C9: variants seen among roughly 807,000 people sequenced by gnomAD.
C9 encodes the protein complement C9.
In C9, 63 loss-of-function variants were observed where a neutral mutation model predicts 65.4. The observed-to-expected ratio is 0.96, with a 90% confidence interval of 0.79 to 1.19. The LOEUF (loss-of-function observed/expected upper bound fraction) is 1.19. C9 is among the 50% of genes most tolerant of loss of function. The probability of loss-of-function intolerance (pLI) is 0.00; values close to 1 mark genes in which losing one functional copy is unlikely to be tolerated. For synonymous variants in C9, 229 were observed against 227.9 expected, an observed-to-expected ratio of 1.00 and a Z score of -0.04; for missense variants, 744 against 670.1, an observed-to-expected ratio of 1.11 and a Z score of -1.22.
In C9 at chr5:39,288,960, A is replaced by G; in HGVS notation, c.1417-9T>C. ...TTATATATAGGAGACAGCTGAAAGG[A>G]AGCAAAACATTTAATTTTAGGTCCT... On this transcript the variant is annotated splice_polypyrimidine_tract_variant and intron_variant, in intron 9 of 10. Coordinates refer to ENST00000263408, the MANE Select transcript of C9 (RefSeq NM_001737.5). The G allele has an allele frequency of 6.8e-7, 1 of 1,463,686 alleles. No homozygotes were observed. The highest frequency in any genetic ancestry group is 9.6e-7 in the Non-Finnish European group (1 of 1,043,764). 90.7% of individuals were successfully genotyped at this position (1,463,686 alleles called of 1,614,324 possible).
intron 9 of C9, among the ~76,000 whole-genome samples, chr5:39,303,823 T>A (rs79235584): frequency 0.11 from 16,411 of 152,006 alleles, 1,085 homozygotes; most frequent in African/African-American, 0.18. Context: ...GCTAGACAAA[T>A]CAGTGTGTCT....
intron 9 of C9, among the ~76,000 whole-genome samples, chr5:39,295,217 C>T (rs761045455): frequency 4.0e-5 from 6 of 151,600 alleles, no homozygotes; most frequent in South Asian, 2.1e-4. Context: ...AGCACTTAGG[C>T]AAGAGAAAGA....
At chr5:39,334,190 C>T (rs1351263133) in intron 4 of C9, among the ~76,000 whole-genome samples, 3,944 of 150,680 alleles carry the variant, frequency 0.026, 159 homozygotes, top group African/African-American at 0.09. Flanking sequence ...CGGCCGCCAT[C>T]CCATCTAGGA....
At chr5:39,332,489 A>G (rs1207253990) in intron 4 of C9, among the ~76,000 whole-genome samples, 1 of 152,242 alleles carries the variant, frequency 6.6e-6, no homozygotes, top group African/African-American at 2.4e-5. Context: ...AATTTTATTT[A>G]GCTTTTAAAA....
At chr5:39,363,541 A>C (rs368979942) in intron 1 of C9, among the ~76,000 whole-genome samples, 1 of 152,206 alleles carries the variant, frequency 6.6e-6, no homozygotes, top group East Asian at 1.9e-4. Context: ...GCTTGGGCAG[A>C]CATTTCCCCC....
intron 5 of C9, among the ~76,000 whole-genome samples, chr5:39,330,520 C>T (rs781012679): frequency 8.5e-5 from 13 of 152,176 alleles, no homozygotes; most frequent in Non-Finnish European, 1.5e-4. Flanking sequence ...ATCAACACAA[C>T]AATAGCCCTT....
chr5:39,327,609 T>C (rs1177950560), intron 5 of C9, among the ~76,000 whole-genome samples: 1 of 152,114 alleles, frequency 6.6e-6, no homozygotes, highest in Non-Finnish European at 1.5e-5. Context: ...GGGAGTAAGA[T>C]TGGTTATCAG....
At chr5:39,343,592 C>A (rs1416069996) in intron 1 of C9, among the ~76,000 whole-genome samples, 3 of 152,224 alleles carry the variant, frequency 2.0e-5, no homozygotes, top group African/African-American at 7.2e-5. Flanking sequence ...GAGTCCACCT[C>A]TGGGGGTAGG....
At chr5:39,326,550 C>T (rs1246192798) in intron 5 of C9, among the ~76,000 whole-genome samples, 3 of 152,140 alleles carry the variant, frequency 2.0e-5, no homozygotes, top group Non-Finnish European at 4.4e-5. Flanking sequence ...CGGAGTGGCT[C>T]CCTCATTATG....
rs374978928 is a variant in C9, at chr5:39,352,700, G to T, written c.78-10504C>A. Among the ~76,000 whole-genome samples the T allele has an allele frequency of 3.5e-4, 54 of 152,212 alleles. 1 individual carries two copies. Among genetic ancestry groups the T allele is most frequent in the African/African-American group, 1.1e-3 (45 of 41,534 alleles). ...CACCAACATTATATATCTCCTAGAT[G>T]ACTACAAAAATTACTCTCTAATTCA... On this transcript the variant is annotated intron_variant, in intron 1 of 10. Coordinates refer to ENST00000263408, the MANE Select transcript of C9 (RefSeq NM_001737.5).
intron 9 of C9, among the ~76,000 whole-genome samples, chr5:39,304,289 A>G (rs1399054961): frequency 6.6e-6 from 1 of 152,162 alleles, no homozygotes; most frequent in Non-Finnish European, 1.5e-5. Context: ...TTAATTTGCT[A>G]CAGAAGATTT....
chr5:39,324,690 G>A (rs10064820), intron 5 of C9, among the ~76,000 whole-genome samples: 4,499 of 152,224 alleles, frequency 0.03, 206 homozygotes, highest in African/African-American at 0.1. Context: ...CCATCCATGC[G>A]AAAAGAAGTC....
intron 9 of C9, among the ~76,000 whole-genome samples, chr5:39,301,733 T>G (rs768274435): frequency 1.3e-5 from 2 of 152,100 alleles, no homozygotes; most frequent in African/African-American, 4.8e-5. Context: ...ATGAAATTCT[T>G]TAGTGGGAGA....
intron 1 of C9, among the ~76,000 whole-genome samples, chr5:39,346,920 C>A (rs1028298288): frequency 1.3e-5 from 2 of 152,234 alleles, no homozygotes; most frequent in East Asian, 1.9e-4. Flanking sequence ...AAGACAAAAA[C>A]CACATGATTA....
At chr5:39,361,971 C>G (rs700230) in intron 1 of C9, among the ~76,000 whole-genome samples, 54,338 of 151,988 alleles carry the variant, frequency 0.36, 10,226 homozygotes, top group Middle Eastern at 0.49. Context: ...AGTGAAAGCA[C>G]AGGAAGGTTA....
At chr5:39,342,027 T>G (rs2111955187) in intron 2 of C9, 64 bp downstream of exon 2, 1 of 935,832 alleles carries the variant, frequency 1.1e-6, no homozygotes, top group South Asian at 1.3e-5. Flanking sequence ...ATCATTTTTC[T>G]GGAGAGGCTA....
chr5:39,312,504 T>C (rs1046992863), intron 6 of C9, among the ~76,000 whole-genome samples: 4 of 152,156 alleles, frequency 2.6e-5, no homozygotes, highest in South Asian at 2.1e-4. Flanking sequence ...GTCCACCCTC[T>C]CAATTTTTAA....
chr5:39,333,643 G>GGTCTCCCCTCTCCCTCTCTTTCCACA (rs1561347182), intron 4 of C9, among the ~76,000 whole-genome samples: 5 of 145,362 alleles, frequency 3.4e-5, no homozygotes, highest in Non-Finnish European at 6.0e-5. Flanking sequence ...CTCTTTCCAC[G>GGTCTCCCCTCTCCCTCTCTTTCCACA]GTCTCCCTCT....
At chr5:39,333,212 ACC>A (rs1561346948) in intron 4 of C9, among the ~76,000 whole-genome samples, 2 of 151,790 alleles carry the variant, frequency 1.3e-5, no homozygotes, top group Non-Finnish European at 2.9e-5. Context: ...CCAATCCTTT[ACC>A]CATCTCTGCA....
Sources: allele counts gnomAD v4.1 joint callset (sites outside exome capture counted in the v4.1 genomes callset), GRCh38; gene constraint gnomAD v4.1.1; transcripts MANE v1.5; gene names NCBI Gene and HGNC (gene_info 2026-07-23, HGNC 2026-07-21).